The following TRIM4 variants were observed in gnomAD, a reference collection of about 807,000 sequenced individuals.
The protein encoded by TRIM4 is tripartite motif containing 4.
Under a neutral mutation model 33.7 loss-of-function variants are expected in TRIM4, and 29 were observed. That is an observed-to-expected ratio of 0.86 (90% CI 0.64 to 1.17). The LOEUF is 1.17. TRIM4 is among the 50% of genes most tolerant of loss of function. TRIM4 has a pLI of 0.00. For missense variants in TRIM4, 554 were observed against 593.7 expected (o/e 0.93, Z 0.69); for synonymous variants, 224 against 233.0 (o/e 0.96, Z 0.35).
At chr7:99,905,883 G>A (rs527967373) in intron 3 of TRIM4, among the ~76,000 whole-genome samples, 3 of 152,262 alleles carry the variant, frequency 2.0e-5, no homozygotes, top group East Asian at 3.9e-4. Flanking sequence ...GGTGGCTCAC[G>A]CCTGTAATCC....
At chr7:99,910,171 A>C (rs2151650063) in intron 1 of TRIM4, among the ~76,000 whole-genome samples, 1 of 152,356 alleles carries the variant, frequency 6.6e-6, no homozygotes, top group Non-Finnish European at 1.5e-5. Flanking sequence ...TTTCCTGGTA[A>C]GTTAGCAAAA....
chr7:99,897,322 T>C (rs1019958488), intron 5 of TRIM4, among the ~76,000 whole-genome samples: 3 of 152,174 alleles, frequency 2.0e-5, no homozygotes, highest in African/African-American at 7.2e-5. Flanking sequence ...TGCAGGATTA[T>C]ACCGCTGTGG....
rs371711542 is a variant in TRIM4, at chr7:99,919,018, C to T, written c.384G>A (p.Glu128=). The T allele has an allele frequency of 3.2e-5, 51 of 1,590,672 alleles. No homozygotes were observed. The highest frequency in any genetic ancestry group is 4.3e-5 in the Non-Finnish European group (50 of 1,170,692). Residue 128 remains glutamate (E), a synonymous_variant, in exon 1 of 6, where the codon GAG becomes GAA. Transcript: ENST00000349062. ...HAMAPIDEAF[E]SYREKLLKSQ... ...GCGACGGCCAGCTCACCCGGTAGCTCTCGAAGGCCTCGTCGATGGGTGCCA... is the reference window on the plus strand; with the variant it reads ...GCGACGGCCAGCTCACCCGGTAGCTTTCGAAGGCCTCGTCGATGGGTGCCA...
intron 1 of TRIM4, chr7:99,917,833 C>T: frequency 1.0e-6 from 1 of 985,250 alleles, no homozygotes; most frequent in Non-Finnish European, 1.2e-6. Context: ...GGGGGTGGGG[C>T]TACTCTGGAA....
In TRIM4 at chr7:99,919,135, G is replaced by A; in HGVS notation, c.267C>T (p.Arg89=). The change falls in exon 1 of 6, where the codon CGC becomes CGT. Residue 89 remains arginine (R), a synonymous_variant. Transcript: ENST00000349062. ...LGPVPPGLCG[R]HWEPLRLFCE... Reference sequence around the variant, plus strand: ...AGAAGAGCCGCAGCGGCTCCCAGTGGCGGCCGCACAGGCCCGGGGGCACGG... The same window carrying A: ...AGAAGAGCCGCAGCGGCTCCCAGTGACGGCCGCACAGGCCCGGGGGCACGG... 2 of 1,511,512 alleles carry A rather than the reference G, an allele frequency of 1.3e-6. No homozygotes were observed. The highest frequency in any genetic ancestry group is 2.1e-5 in the Admixed American group (1 of 46,788). 93.6% of individuals were successfully genotyped at this position (1,511,512 alleles called of 1,614,324 possible).
Position 99,903,289 on chromosome 7 carries a change from G to C in TRIM4, c.770C>G (p.Ser257Cys), listed in dbSNP as rs758999657. 1 of 1,612,176 alleles carries C rather than the reference G, an allele frequency of 6.2e-7. No homozygotes were observed. Among genetic ancestry groups the C allele is most frequent in the Non-Finnish European group, 8.5e-7 (1 of 1,178,664 alleles). ...TRSEIQDVNY[S>C]LEAVKVKTVC... ...TGTCTTCACCTTTACAGCTTCAAGA[G>C]AATAGTTCACATCCTGGATCTCACT... Residue 257 changes from serine (S) to cysteine (C), a missense_variant, in exon 5 of 6, where the codon TCT becomes TGT. This residue lies in a region of TRIM4 where 290 missense variants were observed against 335.8 expected (regional missense o/e 0.86). Coordinates refer to ENST00000349062, the MANE Select transcript of TRIM4 (RefSeq NM_033091.3).
intron 1 of TRIM4, 61 bp from the exon 2 acceptor site, chr7:99,909,721 T>TTA: frequency 3.8e-6 from 5 of 1,307,178 alleles, no homozygotes; most frequent in Non-Finnish European, 5.2e-6. Context: ...ATCTTCTTTT[T>TTA]TCTTTTTGTT....
chr7:99,894,357 A>C (rs1176615895), intron 5 of TRIM4, among the ~76,000 whole-genome samples: 1 of 152,194 alleles, frequency 6.6e-6, no homozygotes, highest in Non-Finnish European at 1.5e-5. Flanking sequence ...TGTTTGGTGA[A>C]ATGTTTCACC....
chr7:99,894,500 T>C (rs964212382), intron 5 of TRIM4, among the ~76,000 whole-genome samples: 7 of 150,314 alleles, frequency 4.7e-5, no homozygotes, highest in African/African-American at 1.7e-4. Context: ...CCATCTCTAC[T>C]AAAAAAAAAT....
At chr7:99,916,650 C>G (rs1819560880) in intron 1 of TRIM4, 8 of 766,914 alleles carry the variant, frequency 1.0e-5, no homozygotes, top group Non-Finnish European at 1.9e-5. Context: ...ATTATCACTC[C>G]ATCCCTCCCT....
At chr7:99,913,604 G>T (rs1473505028) in intron 1 of TRIM4, among the ~76,000 whole-genome samples, 1 of 152,086 alleles carries the variant, frequency 6.6e-6, no homozygotes, top group Admixed American at 6.5e-5. Context: ...CCGGGAGGTG[G>T]AGGTTGCAGT....
At chr7:99,913,922 T>C (rs573719603) in intron 1 of TRIM4, among the ~76,000 whole-genome samples, 6 of 152,304 alleles carry the variant, frequency 3.9e-5, no homozygotes, top group Admixed American at 3.9e-4. Flanking sequence ...GCTTATTTCC[T>C]GGATCAAGGC....
chr7:99,904,395 G>C (rs2151646702), intron 3 of TRIM4, among the ~76,000 whole-genome samples: 1 of 152,250 alleles, frequency 6.6e-6, no homozygotes, highest in Non-Finnish European at 1.5e-5. Context: ...AAAAGTCTCA[G>C]AAAATGTCAC....
At chr7:99,908,891 T>C in intron 2 of TRIM4, 79 bp from the exon 3 acceptor site, 7 of 1,346,088 alleles carry the variant, frequency 5.2e-6, no homozygotes, top group Non-Finnish European at 7.2e-6. Context: ...TCCCCAGTAA[T>C]CCACAGTCAA....
intron 5 of TRIM4, chr7:99,902,197 T>C (rs771399181): frequency 1.3e-6 from 1 of 762,364 alleles, no homozygotes; most frequent in Non-Finnish European, 2.4e-6. Flanking sequence ...AAACAACTCG[T>C]TTATTTACTC....
chr7:99,912,756 G>C (rs1265004152), intron 1 of TRIM4, among the ~76,000 whole-genome samples: 1 of 152,122 alleles, frequency 6.6e-6, no homozygotes, highest in East Asian at 1.9e-4. Flanking sequence ...TTCCAACTTT[G>C]ATGTATGCTT....
intron 1 of TRIM4, among the ~76,000 whole-genome samples, chr7:99,909,980 C>A (rs1222573959): frequency 1.3e-5 from 2 of 152,126 alleles, no homozygotes; most frequent in Non-Finnish European, 2.9e-5. Context: ...GATCCTCCCA[C>A]CTCAGCCTCC....
intron 3 of TRIM4, among the ~76,000 whole-genome samples, chr7:99,903,825 T>C (rs1819233750): frequency 6.6e-6 from 1 of 152,210 alleles, no homozygotes; most frequent in South Asian, 2.1e-4. Flanking sequence ...TTTGGCACTA[T>C]GACATAAACT....
At chr7:99,907,129 G>GT (rs1819324408) in intron 3 of TRIM4, among the ~76,000 whole-genome samples, 2 of 152,062 alleles carry the variant, frequency 1.3e-5, no homozygotes, top group South Asian at 2.1e-4. Flanking sequence ...GTTTTGTTTT[G>GT]TTTTTTGGTA....
Sources: gnomAD v4.1 joint callset for allele counts (sites outside exome capture counted in the v4.1 genomes callset) on GRCh38, gnomAD v4.1.1 for gene constraint, gnomAD v4.1.1 regional missense constraint, MANE v1.5 for transcripts, NCBI Gene and HGNC (gene_info 2026-07-23, HGNC 2026-07-21) for gene names.